The following ARHGEF4 variants were observed in gnomAD, a reference collection of about 807,000 sequenced individuals.
ARHGEF4 encodes the protein APC-stimulated guanine nucleotide exchange factor 1.
ARHGEF4 carries 119 observed loss-of-function variants against 162.0 expected under a neutral mutation model. That is an observed-to-expected ratio of 0.73 (90% CI 0.63 to 0.86). The LOEUF (loss-of-function observed/expected upper bound fraction) is 0.86. Ranked by LOEUF, ARHGEF4 falls within the 40% of genes least tolerant of loss-of-function variation. ARHGEF4 has a pLI of 0.00. For missense variants in ARHGEF4, 2,488 were observed against 2,456.0 expected (o/e 1.01, Z -0.28); for synonymous variants, 1,014 against 979.9 (o/e 1.03, Z -0.65).
intron 3 of ARHGEF4, among the ~76,000 whole-genome samples, chr2:130,946,162 C>T (rs897967297): frequency 3.9e-4 from 59 of 152,350 alleles, no homozygotes; most frequent in Middle Eastern, 3.4e-3. Context: ...TCCAAAAAGA[C>T]TATGCCTTAG....
intron 4 of ARHGEF4, among the ~76,000 whole-genome samples, chr2:130,973,107 G>A (rs1312795009): frequency 2.0e-5 from 3 of 152,248 alleles, no homozygotes; most frequent in African/African-American, 7.2e-5. Flanking sequence ...ACCTCCACAG[G>A]TAAGTGATGT....
chr2:130,890,746 C>T (rs1209736388), intron 1 of ARHGEF4, among the ~76,000 whole-genome samples: 1 of 152,026 alleles, frequency 6.6e-6, no homozygotes, highest in African/African-American at 2.4e-5. Context: ...TTTAGGAGTT[C>T]TGTCTAGTTT....
At chr2:130,954,189 G>A (rs1684126706) in intron 4 of ARHGEF4, among the ~76,000 whole-genome samples, 2 of 152,216 alleles carry the variant, frequency 1.3e-5, no homozygotes, top group South Asian at 4.1e-4. Flanking sequence ...TTAAGAAAAT[G>A]TGGCATATAT....
chr2:131,045,876 T>C, intron 13 of ARHGEF4, 162 bp from the exon 14 acceptor site: 3 of 1,486,222 alleles, frequency 2.0e-6, no homozygotes, highest in Non-Finnish European at 8.9e-7. Context: ...GCCTGAGCTC[T>C]TGGATGTGGT....
At chr2:130,885,005 G>A (rs1679426055) in intron 1 of ARHGEF4, among the ~76,000 whole-genome samples, 3 of 152,132 alleles carry the variant, frequency 2.0e-5, no homozygotes, top group Non-Finnish European at 1.5e-5. Flanking sequence ...TTGAAAGTAC[G>A]TAGTTTGAAG....
At chr2:130,888,621 C>T (rs1679664592) in intron 1 of ARHGEF4, among the ~76,000 whole-genome samples, 1 of 152,180 alleles carries the variant, frequency 6.6e-6, no homozygotes, top group East Asian at 1.9e-4. Context: ...TACCTGTTTT[C>T]CACTGATCTT....
chr2:130,850,585 C>T (rs573256266), intron 1 of ARHGEF4, among the ~76,000 whole-genome samples: 2 of 152,330 alleles, frequency 1.3e-5, no homozygotes, highest in East Asian at 1.9e-4. Context: ...GGGCTGTCTG[C>T]GTCCACAAGG....
At chr2:130,967,764 G>T (rs1252683463) in intron 4 of ARHGEF4, among the ~76,000 whole-genome samples, 1 of 152,238 alleles carries the variant, frequency 6.6e-6, no homozygotes, top group African/African-American at 2.4e-5. Flanking sequence ...GCTGACAGAA[G>T]CTCAAAAACA....
chr2:130,981,729 A>G, intron 4 of ARHGEF4, among the ~76,000 whole-genome samples: 1 of 152,046 alleles, frequency 6.6e-6, no homozygotes, highest in East Asian at 1.9e-4. Flanking sequence ...TTCCCCACTC[A>G]GTTACCCTGG....
chr2:130,930,989 C>G lies in ARHGEF4; in HGVS notation c.3590C>G (p.Pro1197Arg). 6.2e-7 allele frequency: 1 copy of G among 1,611,696 alleles called. No homozygotes were observed. Among genetic ancestry groups the G allele is most frequent in the East Asian group, 2.2e-5 (1 of 44,802 alleles). The change falls in exon 3 of 14, where the codon CCC (proline) becomes CGC (arginine). Residue 1197 changes from proline to arginine, a missense_variant. This residue lies in a region of ARHGEF4 where 1,642 missense variants were observed against 1,481.5 expected (regional missense o/e 1.11). Coordinates refer to ENST00000409359, the MANE Select transcript of ARHGEF4 (RefSeq NM_001367493.1). ...TGGGAAGAACCAGCAGGTGAGAAGC[C>G]CAGTTGCTCTCACAGTCAGAAGGCG... ...MPWEEPAGEKPSCSHSQKAFH... is the reference protein window; with the variant it reads ...MPWEEPAGEKRSCSHSQKAFH...
Position 130,916,954 on chromosome 2 carries a change from A to G in ARHGEF4, c.3008A>G (p.His1003Arg), listed in dbSNP as rs1469201727. The G allele has an allele frequency of 1.9e-6, 3 of 1,550,836 alleles. No individual in the cohort carries two copies. Among genetic ancestry groups the G allele is most frequent in the Non-Finnish European group, 2.6e-6 (3 of 1,147,056 alleles). The change falls in exon 2 of 14, where the codon CAC (histidine) becomes CGC (arginine). Residue 1003 changes from histidine (H) to arginine (R), a missense_variant. His to Arg is a conservative substitution (Grantham distance 29). This residue lies in a region of ARHGEF4 where 1,642 missense variants were observed against 1,481.5 expected (regional missense o/e 1.11). Transcript: ENST00000409359. ...AAAGAGGGCTATGTTTTTAGCGATC[A>G]CTGGGCACCCCCACTTGCCTCCACA... is the stretch of plus-strand genomic sequence containing the variant. ...EDKEGYVFSD[H>R]WAPPLASTPL... is the part of the protein sequence containing the mutation.
At position 130,851,593 on chromosome 2, in the gene ARHGEF4, G is replaced by C. The variant is rs1042706163; in HGVS notation, c.39+14601G>C. 2.0e-5 allele frequency among the ~76,000 whole-genome samples: 3 copies of C among 152,332 alleles called. No individual in the cohort carries two copies. The East Asian group carries it at 5.8e-4, about 29-fold the overall frequency. ...CCGAGAGGGTGGAGTGGACGGGCTGGGGGGGCTCCAGTCTGTCTGCAAAGC... is the reference window on the plus strand; with the variant it reads ...CCGAGAGGGTGGAGTGGACGGGCTGCGGGGGCTCCAGTCTGTCTGCAAAGC... On this transcript the variant is annotated intron_variant, in intron 1 of 13. Coordinates refer to ENST00000409359, the MANE Select transcript of ARHGEF4 (RefSeq NM_001367493.1).
chr2:130,846,836 GTTC>G (rs1427213773), intron 1 of ARHGEF4, among the ~76,000 whole-genome samples: 10 of 152,268 alleles, frequency 6.6e-5, no homozygotes, highest in East Asian at 3.9e-4. Context: ...GGAGAGTCTT[GTTC>G]TTCTGATTCA....
At chr2:130,995,587 A>G (rs554172099) in intron 4 of ARHGEF4, among the ~76,000 whole-genome samples, 1 of 152,330 alleles carries the variant, frequency 6.6e-6, no homozygotes, top group East Asian at 1.9e-4. Flanking sequence ...TCTGCAGAAT[A>G]CTTTATGACA....
At chr2:130,844,353 T>C (rs1680807822) in intron 1 of ARHGEF4, among the ~76,000 whole-genome samples, 1 of 152,172 alleles carries the variant, frequency 6.6e-6, no homozygotes. Flanking sequence ...GGCCCTCACG[T>C]TGCCCTGTTG....
rs184874304 is a variant in ARHGEF4, at chr2:130,976,973, G to A, written c.3985+30338G>A. Among the ~76,000 whole-genome samples the A allele has an allele frequency of 1.5e-3, 235 of 151,660 alleles. 3 individuals are homozygous for A. The highest frequency in any genetic ancestry group is 5.5e-3 in the African/African-American group (227 of 41,376). ...TATGTGTGGTGTGTTAGTGTGCATG[G>A]TGTGTTTGTAGTGTATATTACTGTG... On this transcript the variant is annotated intron_variant, in intron 4 of 13. Coordinates refer to ENST00000409359, the MANE Select transcript of ARHGEF4 (RefSeq NM_001367493.1).
At position 131,041,797 on chromosome 2, in the gene ARHGEF4, ATC is replaced by A. The variant is rs749084466; in HGVS notation, c.4896-14_4896-13del. 5.6e-6 allele frequency: 9 copies of A among 1,610,370 alleles called. No individual in the cohort carries two copies. The highest frequency in any genetic ancestry group is 7.6e-6 in the Non-Finnish European group (9 of 1,178,570). ...TGTCTCCAGCCTGCAGCAGCCTTCC[ATC>A]TCTGTTCTGCCCCAGGGACTTCAAG... On this transcript the variant is annotated splice_polypyrimidine_tract_variant and intron_variant, in intron 9 of 13. Coordinates refer to ENST00000409359, the MANE Select transcript of ARHGEF4 (RefSeq NM_001367493.1).
intron 4 of ARHGEF4, among the ~76,000 whole-genome samples, chr2:131,004,101 G>A (rs1455406776): frequency 6.6e-6 from 1 of 152,122 alleles, no homozygotes; most frequent in African/African-American, 2.4e-5. Flanking sequence ...AGCTGGGCCA[G>A]TGTGGTGCAG....
At chr2:131,011,670 G>C (rs890451984) in intron 4 of ARHGEF4, 2 of 1,535,172 alleles carry the variant, frequency 1.3e-6, no homozygotes, top group African/African-American at 2.7e-5. Flanking sequence ...CATCGGAGCT[G>C]ATGGGGGTGG....
Sources: gnomAD v4.1 joint callset for allele counts (sites outside exome capture counted in the v4.1 genomes callset) on GRCh38, gnomAD v4.1.1 for gene constraint, gnomAD v4.1.1 regional missense constraint, MANE v1.5 for transcripts, NCBI Gene and HGNC (gene_info 2026-07-23, HGNC 2026-07-21) for gene names.